Variants in FRYL observed in about 807,000 individuals in gnomAD.
FRYL encodes the protein FRY like transcription coactivator, also known as protein furry homolog-like.
A neutral mutation model predicts 351.2 loss-of-function variants in FRYL; 150 were observed. That is an observed-to-expected ratio of 0.43 (90% CI 0.37 to 0.49). FRYL has a LOEUF of 0.49. FRYL is among the 20% of genes least tolerant of loss of function. FRYL has a pLI of 0.00. For missense variants in FRYL, 3,036 were observed against 3,619.3 expected, an observed-to-expected ratio of 0.84 and a Z score of 4.13; for synonymous variants, 1,153 against 1,257.1, an observed-to-expected ratio of 0.92 and a Z score of 1.75.
intron 15 of FRYL, among the ~76,000 whole-genome samples, 162 bp from the exon 16 acceptor site, chr4:48,594,178 T>G (rs1560679013): frequency 6.6e-6 from 1 of 151,428 alleles, no homozygotes; most frequent in Non-Finnish European, 1.5e-5. Context: ...AAATACATGA[T>G]TATAAGTATA....
At chr4:48,625,388 A>C (rs903357365) in intron 4 of FRYL, among the ~76,000 whole-genome samples, 1 of 152,206 alleles carries the variant, frequency 6.6e-6, no homozygotes, top group Non-Finnish European at 1.5e-5. Flanking sequence ...TGGGTCAGTA[A>C]GTCATGGTAT....
chr4:48,634,470 C>T lies in FRYL; in HGVS notation c.-60G>A. The T allele has an allele frequency of 1.2e-6, 2 of 1,610,120 alleles. No homozygotes were observed. The highest frequency in any genetic ancestry group is 1.7e-6 in the Non-Finnish European group (2 of 1,177,612). On this transcript the variant is annotated 5_prime_UTR_variant, in exon 4 of 64. Coordinates refer to ENST00000358350, the MANE Select transcript of FRYL (RefSeq NM_015030.2). The stretch of plus-strand genomic sequence containing the variant: ...TTGGAAGAAGCACAGTATTTATTTA[C>T]TTTGCTGACTGGCGCTGAAGCTAAA...
At chr4:48,602,161 T>C (rs1745845562) in intron 12 of FRYL, 40 bp from the exon 13 acceptor site, 2 of 1,034,142 alleles carry the variant, frequency 1.9e-6, no homozygotes, top group Admixed American at 1.8e-5. Flanking sequence ...ACATTTTTCA[T>C]CGAAAAGCAC....
chr4:48,510,744 C>A, intron 58 of FRYL, 91 bp downstream of exon 58: 1 of 1,000,782 alleles, frequency 1.0e-6, no homozygotes, highest in South Asian at 1.4e-5. Flanking sequence ...ACCTTTATAC[C>A]ATAAAATTCA....
At chr4:48,609,120 C>G in intron 8 of FRYL, 53 bp from the exon 9 acceptor site, 2 of 1,159,398 alleles carry the variant, frequency 1.7e-6, no homozygotes, top group Non-Finnish European at 2.6e-6. Context: ...TCTACAAACT[C>G]TCTTTCCTAA....
At chr4:48,518,622 T>C (rs1724172048) in intron 55 of FRYL, among the ~76,000 whole-genome samples, 2 of 152,208 alleles carry the variant, frequency 1.3e-5, no homozygotes, top group African/African-American at 2.4e-5. Context: ...CTCTCCTTCT[T>C]GTTCACTGTG....
At chr4:48,642,784 T>C in intron 3 of FRYL, among the ~76,000 whole-genome samples, 1 of 152,140 alleles carries the variant, frequency 6.6e-6, no homozygotes, top group East Asian at 1.9e-4. Context: ...TGGTAATCTT[T>C]GGGAGCTCAA....
At chr4:48,719,835 A>G (rs1010537651) in intron 1 of FRYL, among the ~76,000 whole-genome samples, 2 of 151,548 alleles carry the variant, frequency 1.3e-5, no homozygotes, top group African/African-American at 4.8e-5. Context: ...CAAGGTAATA[A>G]TTTTATCACT....
chr4:48,692,530 C>T (rs1765768466), intron 2 of FRYL, among the ~76,000 whole-genome samples: 1 of 152,012 alleles, frequency 6.6e-6, no homozygotes, highest in South Asian at 2.1e-4. Flanking sequence ...GTAGCTGGGG[C>T]TACAGGCACA....
rs753647420 is a variant in FRYL, at chr4:48,578,928, T to C, written c.2528+45A>G. On this transcript the variant is annotated intron_variant, in intron 23 of 63. Coordinates refer to ENST00000358350, the MANE Select transcript of FRYL (RefSeq NM_015030.2). Reference sequence around the variant, plus strand: ...TTTTCAAATAAATACATATGAAAGCTGACAGTCTATACATTTTTAAATTTA... The same window carrying C: ...TTTTCAAATAAATACATATGAAAGCCGACAGTCTATACATTTTTAAATTTA... The C allele has an allele frequency of 6.0e-6, 9 of 1,491,836 alleles. No individual in the cohort carries two copies. In the Admixed American group the frequency reaches 2.0e-4, roughly 33 times the overall value. The allele number at this position is 1,491,836 out of a possible 1,614,324, so 92.4% of individuals were successfully genotyped here. A position where few individuals can be genotyped will look rare whatever the true frequency, so the allele number is the denominator to read the frequency against.
At chr4:48,657,353 C>CTTTTTTTTTTTT (rs371640944) in intron 3 of FRYL, among the ~76,000 whole-genome samples, 9 of 122,360 alleles carry the variant, frequency 7.4e-5, no homozygotes, top group African/African-American at 9.2e-5. Flanking sequence ...CTTTTCTTTT[C>CTTTTTTTTTTTT]TTTTTTTTTT....
At chr4:48,546,825 C>T (rs1731461799) in intron 41 of FRYL, 1 of 152,850 alleles carries the variant, frequency 6.5e-6, no homozygotes, top group Admixed American at 6.5e-5. Context: ...TATAAAAAGG[C>T]AGTAAACTTC....
At position 48,550,527 on chromosome 4, in the gene FRYL, C is replaced by T. The variant is rs767881623; in HGVS notation, c.4633+65G>A. On this transcript the variant is annotated intron_variant, in intron 38 of 63. Coordinates refer to ENST00000358350, the MANE Select transcript of FRYL (RefSeq NM_015030.2). ...TTTACTGAAAATATATATTTATTAA[C>T]ATTAATGTAATTAACAATACACCTC... The T allele has an allele frequency of 1.2e-5, 11 of 947,534 alleles. No individual in the cohort carries two copies. In the South Asian group the frequency reaches 1.6e-4, roughly 13 times the overall value. 58.7% of individuals were successfully genotyped at this position (947,534 alleles called of 1,614,324 possible).
chr4:48,770,076 C>T (rs560345949), intron 1 of FRYL, among the ~76,000 whole-genome samples: 7 of 152,094 alleles, frequency 4.6e-5, no homozygotes, highest in Middle Eastern at 3.4e-3. Flanking sequence ...ACTGTACACA[C>T]GCATATACAT....
Position 48,575,365 on chromosome 4 carries a change from C to A in FRYL, c.2722-124G>T, listed in dbSNP as rs568082290. ...AGGTGAAACTTTACTATGAATGATA[C>A]CTCAAATTTCACCTGGGGTGTACAT... On this transcript the variant is annotated intron_variant, in intron 24 of 63. Coordinates refer to ENST00000358350, the MANE Select transcript of FRYL (RefSeq NM_015030.2). The A allele has an allele frequency of 4.6e-5, 46 of 991,688 alleles. 1 individual carries two copies. The highest frequency in any genetic ancestry group is 2.6e-4 in the Admixed American group (11 of 42,522). The allele number at this position is 991,688 out of a possible 1,614,324, so 61.4% of individuals were successfully genotyped here. A position where few individuals can be genotyped will look rare whatever the true frequency, so the allele number is the denominator to read the frequency against.
intron 7 of FRYL, among the ~76,000 whole-genome samples, chr4:48,614,709 G>A (rs1328243984): frequency 1.7e-4 from 15 of 87,706 alleles, no homozygotes; most frequent in African/African-American, 7.3e-4. Context: ...GCAACAGAGT[G>A]AGACTCCATC....
intron 59 of FRYL, among the ~76,000 whole-genome samples, chr4:48,509,492 T>C (rs1016971140): frequency 1.3e-5 from 2 of 152,218 alleles, no homozygotes; most frequent in African/African-American, 2.4e-5. Flanking sequence ...AATTACCTAC[T>C]GTATGCAGTT....
chr4:48,657,012 A>G (rs1244845149), intron 3 of FRYL, among the ~76,000 whole-genome samples: 1 of 152,222 alleles, frequency 6.6e-6, no homozygotes, highest in African/African-American at 2.4e-5. Flanking sequence ...AGCTTAGTGT[A>G]ATAAGTATTT....
intron 2 of FRYL, among the ~76,000 whole-genome samples, chr4:48,691,681 G>T (rs1765695005): frequency 6.6e-6 from 1 of 152,110 alleles, no homozygotes; most frequent in African/African-American, 2.4e-5. Context: ...GATAACATTT[G>T]CAACAATTTC....
Sources: allele counts gnomAD v4.1 joint callset (sites outside exome capture counted in the v4.1 genomes callset), GRCh38; gene constraint gnomAD v4.1.1; transcripts MANE v1.5; gene names NCBI Gene and HGNC (gene_info 2026-07-23, HGNC 2026-07-21).